SLC10A7: variants seen among roughly 807,000 people sequenced by gnomAD.
SLC10A7 encodes solute carrier family 10 member 7, also known as sodium/bile acid cotransporter 7.
In SLC10A7, 29 loss-of-function variants were observed where a neutral mutation model predicts 43.2. That is an observed-to-expected ratio of 0.67 (90% CI 0.50 to 0.92). The LOEUF (loss-of-function observed/expected upper bound fraction) is 0.92, where lower values mean the gene tolerates loss of function less well. Among genes scored for constraint, SLC10A7 ranks in the 40% least tolerant of loss-of-function variants. The pLI is 0.00. For missense variants in SLC10A7, 295 were observed against 403.2 expected, an observed-to-expected ratio of 0.73 and a Z score of 2.30; for synonymous variants, 152 against 144.8, an observed-to-expected ratio of 1.05 and a Z score of -0.35.
chr4:146,313,992 A>G (rs1389655080), intron 6 of SLC10A7, among the ~76,000 whole-genome samples: 1 of 152,166 alleles, frequency 6.6e-6, no homozygotes, highest in East Asian at 1.9e-4. Context: ...TGCTGATAAT[A>G]TGTTTTAAAA....
chr4:146,377,939 C>G (rs1249209108), intron 5 of SLC10A7, among the ~76,000 whole-genome samples: 4 of 152,082 alleles, frequency 2.6e-5, no homozygotes, highest in African/African-American at 9.7e-5. Context: ...AACAGGAAAC[C>G]CAGTCATCAA....
At position 146,432,575 on chromosome 4, in the gene SLC10A7, G is replaced by T. The variant is rs77415607; in HGVS notation, c.435+10208C>A. 9.5e-4 allele frequency among the ~76,000 whole-genome samples: 144 copies of T among 152,218 alleles called. 1 individual carries two copies. The East Asian group carries it at 0.014, about 15-fold the overall frequency. On this transcript the variant is annotated intron_variant, in intron 5 of 11. Coordinates refer to ENST00000335472, the MANE Select transcript of SLC10A7 (RefSeq NM_001029998.6). ...TATAGAGAAAGGAAAAAAAATCAGT[G>T]GCTGCCAGAGACTGAGGATAAGGGA...
intron 4 of SLC10A7, among the ~76,000 whole-genome samples, chr4:146,462,673 T>C (rs1163501016): frequency 6.6e-6 from 1 of 152,192 alleles, no homozygotes; most frequent in Non-Finnish European, 1.5e-5. Flanking sequence ...TTATTAAGGT[T>C]ATCCTTCCGT....
intron 4 of SLC10A7, among the ~76,000 whole-genome samples, chr4:146,500,449 AC>A (rs940899177): frequency 3.3e-5 from 5 of 151,742 alleles, no homozygotes; most frequent in African/African-American, 1.2e-4. Context: ...GACCAAGTAT[AC>A]CCCTTCTACC....
chr4:146,381,852 T>C (rs951892472), intron 5 of SLC10A7, among the ~76,000 whole-genome samples: 1 of 152,136 alleles, frequency 6.6e-6, no homozygotes, highest in African/African-American at 2.4e-5. Flanking sequence ...CCTTTTTCTA[T>C]GCCTGCTCTC....
At chr4:146,450,783 G>A (rs1277853849) in intron 4 of SLC10A7, among the ~76,000 whole-genome samples, 1 of 152,080 alleles carries the variant, frequency 6.6e-6, no homozygotes, top group African/African-American at 2.4e-5. Flanking sequence ...AGAAAGAAAT[G>A]ACAAAACAGA....
intron 10 of SLC10A7, among the ~76,000 whole-genome samples, chr4:146,270,189 C>T (rs1204127541): frequency 5.3e-5 from 8 of 152,124 alleles, no homozygotes; most frequent in African/African-American, 1.9e-4. Flanking sequence ...TTTATTTATT[C>T]TCAACAATTA....
intron 5 of SLC10A7, among the ~76,000 whole-genome samples, chr4:146,366,712 T>C (rs570293325): frequency 1.9e-4 from 29 of 152,328 alleles, no homozygotes; most frequent in Non-Finnish European, 3.5e-4. Context: ...TTTCTATATT[T>C]TATAAATTTG....
chr4:146,254,364 C>T lies in SLC10A7; in HGVS notation c.*2127G>A, dbSNP rs545873911. Reference sequence around the variant, plus strand: ...ATAGCTTTACAGTGTATAAACATAACAAAATATTTTAAGCTCTGAATAATT... The same window carrying T: ...ATAGCTTTACAGTGTATAAACATAATAAAATATTTTAAGCTCTGAATAATT... On this transcript the variant is annotated 3_prime_UTR_variant, in exon 12 of 12. Transcript: ENST00000335472. 3.3e-5 allele frequency: 5 copies of T among 151,772 alleles called. No individual in the cohort carries two copies. The highest frequency in any genetic ancestry group is 4.8e-5 in the African/African-American group (2 of 41,410). 9.4% of individuals were successfully genotyped at this position (151,772 alleles called of 1,614,324 possible).
chr4:146,516,588 A>G (rs1738021603), intron 2 of SLC10A7, among the ~76,000 whole-genome samples: 1 of 151,848 alleles, frequency 6.6e-6, no homozygotes, highest in African/African-American at 2.4e-5. Context: ...AAGGAACAAT[A>G]AGCTTTTCTA....
At chr4:146,258,550 C>A in intron 11 of SLC10A7, 142 bp downstream of exon 11, 1 of 732,736 alleles carries the variant, frequency 1.4e-6, no homozygotes, top group Non-Finnish European at 2.1e-6. Context: ...ATCAGTGCAC[C>A]ATTATTATTG....
At chr4:146,395,350 A>G (rs1225440645) in intron 5 of SLC10A7, among the ~76,000 whole-genome samples, 1 of 152,196 alleles carries the variant, frequency 6.6e-6, no homozygotes, top group African/African-American at 2.4e-5. Context: ...TGATCATGCC[A>G]CTGCACTACA....
intron 4 of SLC10A7, among the ~76,000 whole-genome samples, chr4:146,461,444 A>G (rs1244936597): frequency 1.3e-5 from 2 of 152,040 alleles, no homozygotes; most frequent in Admixed American, 6.6e-5. Flanking sequence ...AAGGCCCAGT[A>G]AGCCTTCATT....
chr4:146,489,266 G>C (rs1346201699), intron 4 of SLC10A7, among the ~76,000 whole-genome samples: 1 of 152,178 alleles, frequency 6.6e-6, no homozygotes, highest in Non-Finnish European at 1.5e-5. Context: ...GAGGCAGTCT[G>C]TTCTACCTCC....
At chr4:146,390,666 A>T (rs931171660) in intron 5 of SLC10A7, among the ~76,000 whole-genome samples, 2 of 152,096 alleles carry the variant, frequency 1.3e-5, no homozygotes, top group Non-Finnish European at 2.9e-5. Flanking sequence ...ATAATAAAAT[A>T]TGGTTATTTC....
intron 10 of SLC10A7, among the ~76,000 whole-genome samples, chr4:146,278,262 T>G (rs1289160046): frequency 6.6e-6 from 1 of 152,186 alleles, no homozygotes; most frequent in African/African-American, 2.4e-5. Context: ...AACATTATAT[T>G]ACAGGGTTAA....
At chr4:146,374,639 C>CACACACAG (rs70958505) in intron 5 of SLC10A7, among the ~76,000 whole-genome samples, 105 of 141,578 alleles carry the variant, frequency 7.4e-4, no homozygotes, top group African/African-American at 2.6e-3. Context: ...CACACACACA[C>CACACACAG]ACACACACAC....
chr4:146,384,152 A>G (rs528567746), intron 5 of SLC10A7, among the ~76,000 whole-genome samples: 2 of 152,262 alleles, frequency 1.3e-5, no homozygotes, highest in East Asian at 3.9e-4. Flanking sequence ...TAATCAAACA[A>G]TGTCAATTAT....
At chr4:146,504,388 G>A (rs1054665927) in intron 3 of SLC10A7, among the ~76,000 whole-genome samples, 2 of 151,676 alleles carry the variant, frequency 1.3e-5, no homozygotes, top group East Asian at 1.9e-4. Context: ...GCACAGTGGC[G>A]GGTGCCTGTA....
Sources: allele counts gnomAD v4.1 joint callset (sites outside exome capture counted in the v4.1 genomes callset), GRCh38; gene constraint gnomAD v4.1.1; transcripts MANE v1.5; gene names NCBI Gene and HGNC (gene_info 2026-07-23, HGNC 2026-07-21).